Variants in TCF3 observed in about 807,000 individuals in gnomAD.
TCF3 encodes the protein transcription factor 3.
In TCF3, 54 loss-of-function variants were observed where a neutral mutation model predicts 72.3. The observed-to-expected ratio is 0.75, with a 90% CI of 0.60 to 0.94. The LOEUF is 0.94. Among genes scored for constraint, TCF3 ranks in the 40% least tolerant of loss-of-function variants. The pLI, the probability that TCF3 is intolerant of heterozygous loss-of-function variation, is 0.00. For missense variants in TCF3, 1,078 were observed against 934.4 expected (o/e 1.15, Z -2.00); for synonymous variants, 525 against 412.6 (o/e 1.27, Z -3.30).
At position 1,621,961 on chromosome 19, in the gene TCF3, G is replaced by A; in HGVS notation, c.832C>T (p.Leu278=). ...CCACCGTTCACCTCTGCTCCATGCAGCTGGTAGCCCTGGGGGGTCAGGCAG... is the reference window on the plus strand; with the variant it reads ...CCACCGTTCACCTCTGCTCCATGCAACTGGTAGCCCTGGGGGGTCAGGCAG... ...LHQHERMGYQ[L]HGAEVNGGLP... Residue 278 remains leucine (L), a synonymous_variant, in exon 11 of 19, where the codon CTG becomes TTG. Transcript: ENST00000262965. The A allele has an allele frequency of 6.2e-7, 1 of 1,606,012 alleles. No homozygotes were observed. The highest frequency in any genetic ancestry group is 8.5e-7 in the Non-Finnish European group (1 of 1,176,710).
intron 3 of TCF3, among the ~76,000 whole-genome samples, chr19:1,637,288 C>G (rs1316100229): frequency 1.3e-5 from 2 of 148,892 alleles, no homozygotes; most frequent in African/African-American, 5.2e-5. Context: ...CCACCAGAAC[C>G]GGGGATGCCT....
At chr19:1,629,208 G>A (rs908639897) in intron 5 of TCF3, among the ~76,000 whole-genome samples, 15 of 152,018 alleles carry the variant, frequency 9.9e-5, no homozygotes, top group African/African-American at 2.9e-4. Flanking sequence ...TTCAGGCGTT[G>A]AGGGGCTGAT....
Position 1,627,358 on chromosome 19 carries a change from C to G in TCF3, c.366+1G>C. 1 of 1,609,284 alleles carries G rather than the reference C, an allele frequency of 6.2e-7. No homozygotes were observed. Among genetic ancestry groups the G allele is most frequent in the Non-Finnish European group, 8.5e-7 (1 of 1,178,672 alleles). On this transcript the variant is annotated splice_donor_variant, in intron 6 of 18. Coordinates refer to ENST00000262965, the MANE Select transcript of TCF3 (RefSeq NM_003200.5). LOFTEE classifies it high-confidence loss of function. ...ACCCCAGCCCGGCCCGAGCCCCTCA[C>G]CTGAGTCAGGCCGCCCACGCCTGCG...
At chr19:1,624,048 AC>A (rs755204849) in intron 7 of TCF3, 48 bp from the exon 8 acceptor site, 1 of 1,586,820 alleles carries the variant, frequency 6.3e-7, no homozygotes, top group South Asian at 1.1e-5. Context: ...CATGAGAACA[AC>A]CCCTGCCCTA....
At chr19:1,611,877 G>C in intron 18 of TCF3, 28 bp from the exon 19 acceptor site, 1 of 1,493,518 alleles carries the variant, frequency 6.7e-7, no homozygotes, top group Non-Finnish European at 9.0e-7. Flanking sequence ...AGCTCTGTGG[G>C]AGACGGTCCC....
rs533989322 is a variant in TCF3, at chr19:1,627,378, C to T, written c.347G>A (p.Gly116Asp). The change falls in exon 6 of 19, where the codon GGC becomes GAC. Residue 116 changes from glycine to aspartate, a missense_variant. Physicochemically the swap from Gly to Asp is moderately conservative, Grantham distance 94. Coordinates refer to ENST00000262965, the MANE Select transcript of TCF3 (RefSeq NM_003200.5). The part of the protein sequence containing the change: ...GAYASFGRDA[G>D]VGGLTQAGFL... Reference sequence around the variant, plus strand: ...CCTCACCTGAGTCAGGCCGCCCACGCCTGCGTCTCTCCCGAAGGAGGCATA... The same window carrying T: ...CCTCACCTGAGTCAGGCCGCCCACGTCTGCGTCTCTCCCGAAGGAGGCATA... The T allele has an allele frequency of 1.2e-6, 2 of 1,611,292 alleles. No individual in the cohort carries two copies. Among genetic ancestry groups the T allele is most frequent in the Admixed American group, 1.7e-5 (1 of 59,908 alleles).
Position 1,615,441 on chromosome 19 carries a change from C to T in TCF3, c.1666G>A (p.Ala556Thr), listed in dbSNP as rs574376071. The T allele has an allele frequency of 6.8e-6, 11 of 1,613,500 alleles. No individual in the cohort carries two copies. Among genetic ancestry groups the T allele is most frequent in the Admixed American group, 1.7e-5 (1 of 60,028 alleles). The change falls in exon 18 of 19, where the codon GCC becomes ACC. Residue 556 changes from alanine to threonine, a missense_variant. Physicochemically the swap from Ala to Thr is moderately conservative, Grantham distance 58 (BLOSUM62 0). Transcript: ENST00000262965. This position sits in a 1 kb window ranked among gnomAD's most constrained non-coding sequence, Gnocchi z 7.3. The stretch of plus-strand genomic sequence containing the variant: ...TCACGGACCCGCAGCCGCTCCCGGG[C>T]GTTATTGGCCACCCGGCGCTCCTTC... ...REKERRVANN[A>T]RERLRVRDIN... is the part of the protein sequence containing the mutation.
At chr19:1,650,606 C>T in intron 1 of TCF3, 4 of 280,736 alleles carry the variant, frequency 1.4e-5, no homozygotes, top group East Asian at 5.4e-5. Context: ...TTAAACTGCA[C>T]GCAGGGCAGC....
chr19:1,616,157 A>G (rs998785210), intron 16 of TCF3, among the ~76,000 whole-genome samples: 2 of 152,216 alleles, frequency 1.3e-5, no homozygotes, highest in African/African-American at 4.8e-5. Flanking sequence ...TGTTTCAATC[A>G]TTAACTTAAA....
At chr19:1,642,155 C>CACACACACACACGCACGCGG (rs2065350856) in intron 3 of TCF3, among the ~76,000 whole-genome samples, 1 of 145,458 alleles carries the variant, frequency 6.9e-6, no homozygotes, top group Non-Finnish European at 1.5e-5. Flanking sequence ...CACACACACA[C>CACACACACACACGCACGCGG]ACACACACAC....
chr19:1,645,501 C>T (rs568051866), intron 3 of TCF3, among the ~76,000 whole-genome samples: 24 of 151,218 alleles, frequency 1.6e-4, no homozygotes, highest in Admixed American at 9.8e-4. Context: ...CCGGTCCCAC[C>T]GCAGGGCGTC....
intron 6 of TCF3, among the ~76,000 whole-genome samples, chr19:1,626,896 G>A (rs1200107529): frequency 1.3e-5 from 2 of 152,006 alleles, no homozygotes; most frequent in African/African-American, 2.4e-5. Flanking sequence ...AAGTCCTGGG[G>A]TGAGGGAGGA....
Position 1,622,458 on chromosome 19 carries a change from G to T in TCF3, c.550-43C>A. ...GTGGGGGGTGCAGTCAGGACGGAGG[G>T]ACCACGATCAGCCCATGCACCTTGC... On this transcript the variant is annotated intron_variant, in intron 8 of 18. Coordinates refer to ENST00000262965, the MANE Select transcript of TCF3 (RefSeq NM_003200.5). The T allele has an allele frequency of 3.8e-6, 4 of 1,058,938 alleles. No homozygotes were observed. In the South Asian group the frequency reaches 5.0e-5, roughly 13 times the overall value. The allele number at this position is 1,058,938 out of a possible 1,614,324, so 65.6% of individuals were successfully genotyped here.
At chr19:1,631,273 CT>C (rs35041312) in intron 5 of TCF3, among the ~76,000 whole-genome samples, 18,776 of 144,424 alleles carry the variant, frequency 0.13, 1,205 homozygotes, top group East Asian at 0.24. Context: ...AGTCTTCATT[CT>C]TTTTTTTTTT....
chr19:1,621,659 C>CA (rs2062234041), intron 11 of TCF3, among the ~76,000 whole-genome samples, 179 bp downstream of exon 11: 1 of 152,204 alleles, frequency 6.6e-6, no homozygotes, highest in East Asian at 1.9e-4. Flanking sequence ...CCAGACATCC[C>CA]AAGCCCAACG....
At position 1,619,199 on chromosome 19, in the gene TCF3, G is replaced by A. The variant is rs762390420; in HGVS notation, c.1362C>T (p.Gly454=). ...GGSHPEDGLA[G]STSLMHNHAA... ...CGTGGTTGTGCATGAGGCTGGTGCT[G>A]CCTGCGAGGCCGTCCTCGGGGTGGC... The change falls in exon 16 of 19, where the codon GGC becomes GGT. Residue 454 remains glycine (G), a synonymous_variant. Transcript: ENST00000262965. 1 of 1,599,334 alleles carries A rather than the reference G, an allele frequency of 6.3e-7. No homozygotes were observed. Among genetic ancestry groups the A allele is most frequent in the Admixed American group, 1.7e-5 (1 of 59,892 alleles).
chr19:1,650,153 G>C (rs750536891), intron 2 of TCF3, 24 bp downstream of exon 2: 29 of 1,554,996 alleles, frequency 1.9e-5, no homozygotes, highest in Non-Finnish European at 2.4e-5. Flanking sequence ...GGGTGTCGGG[G>C]GCTGGGCGGG....
intron 6 of TCF3, among the ~76,000 whole-genome samples, chr19:1,626,167 A>G (rs2062852839): frequency 6.6e-6 from 1 of 152,056 alleles, no homozygotes; most frequent in South Asian, 2.1e-4. Flanking sequence ...CATCCGTTCT[A>G]AGGCCGGGCA....
intron 3 of TCF3, among the ~76,000 whole-genome samples, chr19:1,637,929 A>G (rs1183182359): frequency 4.6e-5 from 7 of 152,152 alleles, no homozygotes; most frequent in Non-Finnish European, 8.8e-5. Flanking sequence ...GAAAAAGAAA[A>G]AGAGACACAA....
Sources: allele counts gnomAD v4.1 joint callset (sites outside exome capture counted in the v4.1 genomes callset), GRCh38; gene constraint gnomAD v4.1.1; non-coding constraint Gnocchi (gnomAD v3.1); transcripts MANE v1.5; gene names NCBI Gene and HGNC (gene_info 2026-07-23, HGNC 2026-07-21).